The following FRAS1 variants were observed in gnomAD, a reference collection of about 807,000 sequenced individuals.
FRAS1 encodes extracellular matrix organizing protein FRAS1.
FRAS1 carries 290 observed loss-of-function variants against 435.2 expected under a neutral mutation model. The observed-to-expected ratio is 0.67, with a 90% CI of 0.61 to 0.73. The LOEUF (loss-of-function observed/expected upper bound fraction) is 0.73. Among genes scored for constraint, FRAS1 ranks in the 30% least tolerant of loss-of-function variants. FRAS1 has a pLI of 0.00. For missense variants in FRAS1, 4,860 were observed against 5,001.5 expected (o/e 0.97, Z 0.85); for synonymous variants, 1,800 against 1,851.0 (o/e 0.97, Z 0.71).
intron 12 of FRAS1, among the ~76,000 whole-genome samples, 176 bp from the exon 13 acceptor site, chr4:78,284,227 GTA>G (rs1578227614): frequency 2.7e-5 from 1 of 37,344 alleles, no homozygotes; most frequent in Non-Finnish European, 7.0e-5. Context: ...GCATTGGAAT[GTA>G]TTTTTTTTTT....
intron 30 of FRAS1, among the ~76,000 whole-genome samples, chr4:78,402,108 TAAAA>T (rs1732917085): frequency 7.0e-6 from 1 of 142,590 alleles, no homozygotes; most frequent in African/African-American, 2.7e-5. Context: ...TTTAAAGACA[TAAAA>T]GAAGGAATTA....
intron 15 of FRAS1, among the ~76,000 whole-genome samples, chr4:78,309,290 G>T (rs1035373964): frequency 6.6e-6 from 1 of 152,170 alleles, no homozygotes; most frequent in South Asian, 2.1e-4. Context: ...AAGATGATAA[G>T]TCTGTGTTGT....
At chr4:78,245,604 T>C (rs1725203881) in intron 4 of FRAS1, among the ~76,000 whole-genome samples, 1 of 152,208 alleles carries the variant, frequency 6.6e-6, no homozygotes, top group Non-Finnish European at 1.5e-5. Flanking sequence ...TCCTTTTATG[T>C]ACTACATACA....
chr4:78,382,485 A>G (rs972299488), intron 27 of FRAS1, among the ~76,000 whole-genome samples: 8 of 152,100 alleles, frequency 5.3e-5, no homozygotes, highest in Non-Finnish European at 5.9e-5. Flanking sequence ...TTTTTAAAAA[A>G]CTATTTTTGT....
chr4:78,136,699 C>T (rs1719934784), intron 2 of FRAS1, among the ~76,000 whole-genome samples: 1 of 152,172 alleles, frequency 6.6e-6, no homozygotes, highest in South Asian at 2.1e-4. Flanking sequence ...AGCCAGAGTT[C>T]AGGAGAACCC....
Position 78,451,780 on chromosome 4 carries a change from G to T in FRAS1, c.6472G>T (p.Glu2158Ter). Reference sequence around the variant, plus strand: ...TTTTTTCCTTTTTATAGGCCACGTAGAATATAGTCATGGAACAGGAGAACC... The same window carrying T: ...TTTTTTCCTTTTTATAGGCCACGTATAATATAGTCATGGAACAGGAGAACC... ...TQADISQGHV[E>*]YSHGTGEPGG... The change falls in exon 46 of 74, where the codon GAA becomes TAA. Residue 2158 changes from glutamate (E) to a stop codon, truncating the protein, a stop_gained. Coordinates refer to ENST00000512123, the MANE Select transcript of FRAS1 (RefSeq NM_025074.7). LOFTEE classifies it high-confidence loss of function. 11 of 1,607,788 alleles carry T rather than the reference G, an allele frequency of 6.8e-6. No individual in the cohort carries two copies. The highest frequency in any genetic ancestry group is 9.3e-6 in the Non-Finnish European group (11 of 1,177,150).
intron 50 of FRAS1, among the ~76,000 whole-genome samples, chr4:78,467,543 G>A (rs1346639226): frequency 6.6e-6 from 1 of 152,164 alleles, no homozygotes; most frequent in East Asian, 1.9e-4. Context: ...TAGGAGTGCA[G>A]ATATCTCTCT....
chr4:78,204,650 G>A (rs966117096), intron 2 of FRAS1, among the ~76,000 whole-genome samples: 15 of 152,140 alleles, frequency 9.9e-5, no homozygotes, highest in Non-Finnish European at 1.5e-5. Context: ...TTTTACCAGC[G>A]ATTTTTTCCT....
intron 5 of FRAS1, among the ~76,000 whole-genome samples, chr4:78,254,994 G>C (rs1343800474): frequency 1.3e-5 from 2 of 152,136 alleles, no homozygotes; most frequent in Admixed American, 1.3e-4. Flanking sequence ...GGAGCTGGTA[G>C]CTGAGAACTC....
intron 2 of FRAS1, among the ~76,000 whole-genome samples, chr4:78,228,123 A>G (rs1226237319): frequency 6.6e-6 from 1 of 152,184 alleles, no homozygotes; most frequent in Non-Finnish European, 1.5e-5. Flanking sequence ...TTAATATGAG[A>G]GATAATGGTG....
rs940340635 is a variant in FRAS1, at chr4:78,100,311, T to C, written c.108+34295T>C. On this transcript the variant is annotated intron_variant, in intron 2 of 73. Coordinates refer to ENST00000512123, the MANE Select transcript of FRAS1 (RefSeq NM_025074.7). ...ATTCTTCAGGGCACAGTTTAAAACC[T>C]TAGTTAGAAAACCACTTCTCTGAGT... Among the ~76,000 whole-genome samples, 38 of 152,202 alleles carry C rather than the reference T, an allele frequency of 2.5e-4. 1 individual carries two copies. Among genetic ancestry groups the C allele is most frequent in the Admixed American group, 2.4e-3 (37 of 15,278 alleles).
chr4:78,211,748 G>A (rs1723515029), intron 2 of FRAS1, among the ~76,000 whole-genome samples: 1 of 152,130 alleles, frequency 6.6e-6, no homozygotes, highest in Non-Finnish European at 1.5e-5. Context: ...GTAATTCAGT[G>A]GCATTAATCA....
intron 41 of FRAS1, among the ~76,000 whole-genome samples, chr4:78,443,388 C>T (rs148155301): frequency 2.6e-3 from 401 of 152,282 alleles, no homozygotes; most frequent in Non-Finnish European, 4.6e-3. Context: ...TACCTAAATT[C>T]AGAACCTAGC....
intron 20 of FRAS1, among the ~76,000 whole-genome samples, chr4:78,361,365 A>C (rs1731064494): frequency 3.3e-5 from 5 of 152,234 alleles, no homozygotes; most frequent in Admixed American, 3.3e-4. Context: ...GACTGAAATG[A>C]GGATTAATTT....
chr4:78,377,184 G>A (rs1731800754), intron 26 of FRAS1, among the ~76,000 whole-genome samples: 1 of 152,150 alleles, frequency 6.6e-6, no homozygotes, highest in Non-Finnish European at 1.5e-5. Context: ...GCTTTTGAGA[G>A]TCGTTCGTCA....
chr4:78,376,960 C>A (rs915113156), intron 26 of FRAS1, among the ~76,000 whole-genome samples: 4 of 152,162 alleles, frequency 2.6e-5, no homozygotes, highest in African/African-American at 9.7e-5. Flanking sequence ...TGCCACTGCA[C>A]TCCAGCCTGG....
intron 36 of FRAS1, 72 bp from the exon 37 acceptor site, chr4:78,430,220 G>T: frequency 6.3e-7 from 1 of 1,590,736 alleles, no homozygotes; most frequent in Non-Finnish European, 8.6e-7. Context: ...CCTGGCCTGC[G>T]GTTTTAATAT....
chr4:78,194,978 T>C (rs750487976), intron 2 of FRAS1, among the ~76,000 whole-genome samples: 2 of 152,322 alleles, frequency 1.3e-5, no homozygotes, highest in Admixed American at 6.5e-5. Flanking sequence ...GTTGGTTAGT[T>C]TTCCTTCTAA....
intron 15 of FRAS1, among the ~76,000 whole-genome samples, chr4:78,312,012 A>G (rs1729044973): frequency 6.6e-6 from 1 of 151,870 alleles, no homozygotes; most frequent in South Asian, 2.1e-4. Context: ...TTTAACTTTG[A>G]ATATAATGCC....
Sources: gnomAD v4.1 joint callset for allele counts (sites outside exome capture counted in the v4.1 genomes callset) on GRCh38, gnomAD v4.1.1 for gene constraint, MANE v1.5 for transcripts, NCBI Gene and HGNC (gene_info 2026-07-23, HGNC 2026-07-21) for gene names.